DAB1: variants seen among roughly 807,000 people sequenced by gnomAD.
The protein encoded by DAB1 is disabled homolog 1.
In DAB1, 15 loss-of-function variants were observed where a neutral mutation model predicts 64.6. That is an observed-to-expected ratio of 0.23 (90% CI 0.16 to 0.36). The LOEUF is 0.36. Among genes scored for constraint, DAB1 ranks in the 10% least tolerant of loss-of-function variants. The pLI is 1.00. For missense variants in DAB1, 596 were observed against 706.7 expected (o/e 0.84, Z 1.78); for synonymous variants, 235 against 251.9 (o/e 0.93, Z 0.64).
At chr1:57,940,960 C>A (rs539548429) in intron 5 of DAB1, among the ~76,000 whole-genome samples, 1 of 152,308 alleles carries the variant, frequency 6.6e-6, no homozygotes, top group East Asian at 1.9e-4. Context: ...TGCTTATGAT[C>A]CATCCACTTA....
intron 4 of DAB1, among the ~76,000 whole-genome samples, chr1:58,294,087 C>G (rs1661912864): frequency 6.6e-6 from 1 of 152,040 alleles, no homozygotes; most frequent in African/African-American, 2.4e-5. Context: ...TCTATCTTGC[C>G]AGACACTACA....
intron 5 of DAB1, among the ~76,000 whole-genome samples, chr1:58,002,195 C>T (rs932063199): frequency 2.0e-5 from 3 of 152,194 alleles, no homozygotes; most frequent in African/African-American, 7.2e-5. Context: ...GCAACTGATA[C>T]ACTGATCTTG....
intron 4 of DAB1, among the ~76,000 whole-genome samples, chr1:58,320,937 A>G (rs756372052): frequency 1.3e-5 from 2 of 152,202 alleles, no homozygotes; most frequent in Non-Finnish European, 2.9e-5. Context: ...TCTCTCCTGG[A>G]GCAGCATCTT....
intron 14 of DAB1, among the ~76,000 whole-genome samples, chr1:57,000,818 A>G (rs1418616993): frequency 6.6e-6 from 1 of 152,188 alleles, no homozygotes; most frequent in Non-Finnish European, 1.5e-5. Context: ...GCTCTATTCT[A>G]ATTTTGGAAA....
chr1:57,078,275 G>GGT (rs1010802028), intron 4 of DAB1, among the ~76,000 whole-genome samples: 3 of 151,994 alleles, frequency 2.0e-5, no homozygotes, highest in Non-Finnish European at 2.9e-5. Context: ...CTGAAGAGGT[G>GGT]GTGTGATAAT....
In DAB1 at chr1:57,379,446, G is replaced by A. The variant is rs531920437; in HGVS notation, c.-137+44484C>T. Among the ~76,000 whole-genome samples the A allele has an allele frequency of 9.2e-5, 14 of 152,196 alleles. No homozygotes were observed. The East Asian group carries it at 2.7e-3, about 29-fold the overall frequency. On this transcript the variant is annotated intron_variant, in intron 1 of 14. Coordinates refer to ENST00000371236, the MANE Select transcript of DAB1 (RefSeq NM_001365792.1). ...AGGAAGTTACAAAGTAAGAATCAAC[G>A]ACCCAGAGTGAAATTAATACTACAG...
intron 8 of DAB1, among the ~76,000 whole-genome samples, chr1:57,067,249 T>C (rs1395942455): frequency 6.6e-6 from 1 of 152,084 alleles, no homozygotes; most frequent in Non-Finnish European, 1.5e-5. Flanking sequence ...TTAAAACAAG[T>C]GTGATTTTTA....
chr1:57,040,325 T>C (rs1647590789), intron 9 of DAB1, among the ~76,000 whole-genome samples: 1 of 152,098 alleles, frequency 6.6e-6, no homozygotes, highest in Admixed American at 6.5e-5. Context: ...TATAGCGCTC[T>C]CTGTGCTGTG....
intron 3 of DAB1, among the ~76,000 whole-genome samples, chr1:58,465,819 A>T (rs1445637159): frequency 6.6e-6 from 1 of 152,148 alleles, no homozygotes; most frequent in African/African-American, 2.4e-5. Flanking sequence ...ACCCACGAGG[A>T]AACTGGGGGG....
At chr1:57,733,801 G>C (rs760459449) in intron 6 of DAB1, among the ~76,000 whole-genome samples, 20 of 152,120 alleles carry the variant, frequency 1.3e-4, no homozygotes, top group Non-Finnish European at 2.4e-4. Flanking sequence ...TGAGATGGGG[G>C]AGATGGCAGA....
At chr1:57,462,735 A>G (rs935310881) in intron 7 of DAB1, among the ~76,000 whole-genome samples, 3 of 152,206 alleles carry the variant, frequency 2.0e-5, no homozygotes, top group African/African-American at 7.2e-5. Context: ...ATTTGAACTT[A>G]AGAGTTTTTC....
chr1:57,978,093 A>G (rs781348699), intron 5 of DAB1, among the ~76,000 whole-genome samples: 49 of 152,216 alleles, frequency 3.2e-4, no homozygotes, highest in Non-Finnish European at 6.0e-4. Flanking sequence ...ACCGAAAAAG[A>G]GCCTGCATAG....
chr1:57,322,448 T>G lies in DAB1; in HGVS notation c.-136-31282A>C, dbSNP rs183146308. On this transcript the variant is annotated intron_variant, in intron 1 of 14. Coordinates refer to ENST00000371236, the MANE Select transcript of DAB1 (RefSeq NM_001365792.1). ...GTCTTCCCCATGCCAACACACTCCA[T>G]TCCCATGAAATCTGGGCACCAAGCA... 3.6e-3 allele frequency among the ~76,000 whole-genome samples: 550 copies of G among 152,228 alleles called. 12 individuals carry two copies. The highest frequency in any genetic ancestry group is 0.032 in the Admixed American group (494 of 15,288).
chr1:57,402,847 A>G (rs1341795526), intron 1 of DAB1, among the ~76,000 whole-genome samples: 1 of 152,086 alleles, frequency 6.6e-6, no homozygotes, highest in Non-Finnish European at 1.5e-5. Flanking sequence ...CTTCCTCTGA[A>G]TAAAAGAATG....
rs936170081 is a variant in DAB1, at chr1:57,397,961, G to A, written c.-137+25969C>T. ...ATGTATAAAGATCAGTGTTTAGCCT[G>A]TTATTCTGGTTCTCTTGTCTCTGTG... On this transcript the variant is annotated intron_variant, in intron 1 of 14. Transcript: ENST00000371236. Among the ~76,000 whole-genome samples the A allele has an allele frequency of 2.0e-5, 3 of 152,186 alleles. No individual in the cohort carries two copies. In the South Asian group the frequency reaches 6.2e-4, roughly 31 times the overall value.
rs1645645380 is a variant in DAB1, at chr1:56,996,907, G to C, written c.*1237C>G. 6.6e-6 allele frequency: 1 copy of C among 151,524 alleles called. No homozygotes were observed. Among genetic ancestry groups the C allele is most frequent in the South Asian group, 2.1e-4 (1 of 4,788 alleles). 9.4% of individuals were successfully genotyped at this position (151,524 alleles called of 1,614,324 possible). On this transcript the variant is annotated 3_prime_UTR_variant, in exon 15 of 15. Transcript: ENST00000371236. ...AAAAAAAGACAATTTTTTTTCATTAGAACTCCTTAAAGCCATTTCCCTTAA... is the reference window on the plus strand; with the variant it reads ...AAAAAAAGACAATTTTTTTTCATTACAACTCCTTAAAGCCATTTCCCTTAA...
At chr1:58,522,728 GTATGT>G (rs1285944474) in intron 2 of DAB1, among the ~76,000 whole-genome samples, 4 of 152,134 alleles carry the variant, frequency 2.6e-5, no homozygotes, top group Admixed American at 6.5e-5. Context: ...AACATGTTTT[GTATGT>G]TATATGTATT....
intron 3 of DAB1, among the ~76,000 whole-genome samples, chr1:58,485,228 T>TAAAAAAAAAAAAAAAAAAAA (rs71043289): frequency 4.8e-5 from 2 of 42,036 alleles, no homozygotes; most frequent in Non-Finnish European, 8.3e-5. Context: ...AGTCTACTAC[T>TAAAAAAAAAAAAAAAAAAAA]AAAAAAAAAA....
At chr1:58,253,874 C>T (rs1473017031) in intron 4 of DAB1, among the ~76,000 whole-genome samples, 2 of 152,220 alleles carry the variant, frequency 1.3e-5, no homozygotes, top group African/African-American at 4.8e-5. Context: ...AGGACCTGAG[C>T]TTCTGTTTTT....
Sources: gnomAD v4.1 joint callset for allele counts (sites outside exome capture counted in the v4.1 genomes callset) on GRCh38, gnomAD v4.1.1 for gene constraint, MANE v1.5 for transcripts, NCBI Gene and HGNC (gene_info 2026-07-23, HGNC 2026-07-21) for gene names.